PAX3: variants seen among roughly 807,000 people sequenced by gnomAD.
PAX3 encodes the protein paired box protein Pax-3.
PAX3 carries 14 observed loss-of-function variants against 51.6 expected under a neutral mutation model. The observed-to-expected ratio is 0.27, with a 90% CI of 0.18 to 0.42. PAX3 has a LOEUF of 0.42. Ranked by LOEUF, PAX3 falls within the 10% of genes least tolerant of loss-of-function variation. The pLI, the probability that PAX3 is intolerant of heterozygous loss-of-function variation, is 1.00. For synonymous variants in PAX3, 280 were observed against 253.4 expected, an observed-to-expected ratio of 1.11 and a Z score of -1.00; for missense variants, 540 against 642.8, an observed-to-expected ratio of 0.84 and a Z score of 1.73.
chr2:222,206,674 GCT>G (rs1171281069), intron 7 of PAX3, among the ~76,000 whole-genome samples: 2 of 152,036 alleles, frequency 1.3e-5, no homozygotes, highest in Admixed American at 1.3e-4. Context: ...TCTTACAATT[GCT>G]CCATGCCATA....
chr2:222,258,650 CA>C (rs1400924820), intron 4 of PAX3, among the ~76,000 whole-genome samples: 2 of 152,158 alleles, frequency 1.3e-5, no homozygotes, highest in Non-Finnish European at 2.9e-5. Flanking sequence ...AACTGACATG[CA>C]TCTATATGCT....
At chr2:222,262,790 T>C (rs947497807) in intron 4 of PAX3, 1 of 152,082 alleles carries the variant, frequency 6.6e-6, no homozygotes, top group Admixed American at 6.6e-5. Flanking sequence ...CAGATATATA[T>C]ATGGAACAGA....
chr2:222,226,674 C>T (rs922978470), intron 5 of PAX3, among the ~76,000 whole-genome samples: 36 of 150,976 alleles, frequency 2.4e-4, no homozygotes, highest in African/African-American at 8.5e-4. Context: ...AAGGATTCTG[C>T]CATATTCTCA....
chr2:222,293,627 CAA>C lies in PAX3; in HGVS notation c.586+538_586+539del, dbSNP rs1695127746. 6 of 1,613,372 alleles carry C rather than the reference CAA, an allele frequency of 3.7e-6. No homozygotes were observed. In the South Asian group the frequency reaches 6.6e-5, roughly 18 times the overall value. The stretch of plus-strand genomic sequence containing the variant: ...ATTTGAAAATCAACTTCAAACAAAT[CAA>C]ACCAGTCAACACACAGACATATTTA... On this transcript the variant is annotated intron_variant, in intron 4 of 8. Transcript: ENST00000392070.
At chr2:222,295,002 C>A (rs1325081356) in intron 3 of PAX3, among the ~76,000 whole-genome samples, 1 of 151,874 alleles carries the variant, frequency 6.6e-6, no homozygotes, top group Non-Finnish European at 1.5e-5. Flanking sequence ...AAAAACAAAC[C>A]CTCCCGTGCG....
chr2:222,235,804 G>T (rs2118666), intron 4 of PAX3, among the ~76,000 whole-genome samples: 66,816 of 151,532 alleles, frequency 0.44, 15,234 homozygotes, highest in East Asian at 0.66. Context: ...CAGAATTTAA[G>T]AGTTCAATAG....
intron 4 of PAX3, among the ~76,000 whole-genome samples, chr2:222,277,311 C>T (rs1171963302): frequency 6.6e-6 from 1 of 152,194 alleles, no homozygotes; most frequent in Non-Finnish European, 1.5e-5. Context: ...GACTCCTAGA[C>T]TCTCAGTCTT....
chr2:222,208,301 ATT>A (rs34691906), intron 7 of PAX3, among the ~76,000 whole-genome samples: 1 of 150,932 alleles, frequency 6.6e-6, no homozygotes. Context: ...TATAGCAAAT[ATT>A]TTTTTTTTCT....
chr2:222,298,698 C>A lies in PAX3; in HGVS notation c.-83G>T. On this transcript the variant is annotated 5_prime_UTR_variant, in exon 1 of 9. Transcript: ENST00000392070. The stretch of plus-strand genomic sequence containing the variant: ...GTGCGGCGCGGATGACCCTCGGGAA[C>A]TATCCGGAGCGTGGAGAGCCCCTCC... 1 of 1,345,122 alleles carries A rather than the reference C, an allele frequency of 7.4e-7. No individual in the cohort carries two copies. The highest frequency in any genetic ancestry group is 1.0e-6 in the Non-Finnish European group (1 of 961,852). 83.3% of individuals were successfully genotyped at this position (1,345,122 alleles called of 1,614,324 possible). A position where few individuals can be genotyped will look rare whatever the true frequency, so the allele number is the denominator to read the frequency against.
At chr2:222,240,370 G>T (rs188679554) in intron 4 of PAX3, among the ~76,000 whole-genome samples, 150 of 152,270 alleles carry the variant, frequency 9.9e-4, no homozygotes, top group South Asian at 2.3e-3. Flanking sequence ...TCAGAATTTT[G>T]AGTTTCAGGT....
intron 8 of PAX3, 102 bp downstream of exon 8, chr2:222,201,842 G>T (rs1691304506): frequency 1.2e-6 from 2 of 1,608,642 alleles, no homozygotes; most frequent in African/African-American, 1.3e-5. Context: ...ATTGATACCG[G>T]CATGTGTGGC....
intron 4 of PAX3, among the ~76,000 whole-genome samples, chr2:222,235,983 G>A (rs1033264504): frequency 2.0e-5 from 3 of 152,044 alleles, no homozygotes; most frequent in South Asian, 2.1e-4. Context: ...CTGATTTTTC[G>A]GCTGGAAACT....
chr2:222,217,244 G>T (rs1056299214), intron 7 of PAX3, among the ~76,000 whole-genome samples: 1 of 152,070 alleles, frequency 6.6e-6, no homozygotes, highest in Non-Finnish European at 1.5e-5. Flanking sequence ...CTTTTAATAT[G>T]AGGAGAAGAT....
intron 1 of PAX3, 98 bp downstream of exon 1, chr2:222,298,433 C>A: frequency 9.9e-7 from 1 of 1,010,878 alleles, no homozygotes; most frequent in Non-Finnish European, 1.5e-6. Context: ...GAATGGGCTT[C>A]CTGGAAGCAC....
intron 4 of PAX3, among the ~76,000 whole-genome samples, chr2:222,260,265 T>A (rs17344243): frequency 6.6e-6 from 1 of 151,452 alleles, no homozygotes; most frequent in Non-Finnish European, 1.5e-5. Context: ...AAAAAAAAAC[T>A]ATAGAAAAAT....
rs575802324 is a variant in PAX3 at position 222,282,499 on chromosome 2, G to A, written c.586+11668C>T. On this transcript the variant is annotated intron_variant, in intron 4 of 8. Transcript: ENST00000392070. Reference sequence around the variant, plus strand: ...AACTCAAGAAACCCCTAGAGCATCCGGCAGCACTTCTGAAAAATAAATACA... The same window carrying A: ...AACTCAAGAAACCCCTAGAGCATCCAGCAGCACTTCTGAAAAATAAATACA... Among the ~76,000 whole-genome samples, 162 of 152,142 alleles carry A rather than the reference G, an allele frequency of 1.1e-3. 1 individual carries two copies. The highest frequency in any genetic ancestry group is 2.0e-3 in the Non-Finnish European group (134 of 68,010).
Position 222,200,278 on chromosome 2 carries a change from T to C in PAX3, c.*1130A>G. On this transcript the variant is annotated 3_prime_UTR_variant, in exon 9 of 9. Transcript: ENST00000392070. ...TCCTATAATCTTTTAATATTGGATA[T>C]CATTGTATAATTTAAAAGTACATGA... The C allele has an allele frequency of 4.6e-6, 1 of 218,570 alleles. No homozygotes were observed. The highest frequency in any genetic ancestry group is 9.2e-6 in the Non-Finnish European group (1 of 108,608). The allele number at this position is 218,570 out of a possible 1,614,324, so 13.5% of individuals were successfully genotyped here. A position where few individuals can be genotyped will look rare whatever the true frequency, so the allele number is the denominator to read the frequency against.
At chr2:222,242,215 C>G (rs764569991) in intron 4 of PAX3, among the ~76,000 whole-genome samples, 1 of 152,078 alleles carries the variant, frequency 6.6e-6, no homozygotes, top group African/African-American at 2.4e-5. Flanking sequence ...TGTGTTTCGT[C>G]CATTGAACAA....
At chr2:222,291,794 G>A in intron 4 of PAX3, among the ~76,000 whole-genome samples, 1 of 152,068 alleles carries the variant, frequency 6.6e-6, no homozygotes, top group East Asian at 1.9e-4. Flanking sequence ...TTTGATGCCC[G>A]AACAACAGAA....
Sources: gnomAD v4.1 joint callset for allele counts (sites outside exome capture counted in the v4.1 genomes callset) on GRCh38, gnomAD v4.1.1 for gene constraint, MANE v1.5 for transcripts, NCBI Gene and HGNC (gene_info 2026-07-23, HGNC 2026-07-21) for gene names.